The following ATG9B variants were observed in gnomAD, a reference collection of about 807,000 sequenced individuals.
ATG9B encodes autophagy related 9B.
In ATG9B, 92 loss-of-function variants were observed where a neutral mutation model predicts 92.9. The observed-to-expected ratio is 0.99, with a 90% CI of 0.84 to 1.18. The LOEUF (loss-of-function observed/expected upper bound fraction) is 1.18. Among genes scored for constraint, ATG9B ranks in the 50% most tolerant of loss-of-function variants. ATG9B has a pLI of 0.00. For missense variants in ATG9B, 1,344 were observed against 1,235.0 expected, an observed-to-expected ratio of 1.09 and a Z score of -1.32; for synonymous variants, 599 against 551.4, an observed-to-expected ratio of 1.09 and a Z score of -1.21.
intron 8 of ATG9B, 93 bp downstream of exon 8, chr7:151,017,778 C>T (rs981816870): frequency 7.2e-7 from 1 of 1,396,902 alleles, no homozygotes; most frequent in African/African-American, 1.5e-5. Flanking sequence ...AGGTAGCAAG[C>T]AATGGAGCCA....
At position 151,018,117 on chromosome 7, in the gene ATG9B, C is replaced by T. The variant is rs1584924417; in HGVS notation, c.1873-67G>A. The T allele has an allele frequency of 5.4e-6, 8 of 1,494,580 alleles. No individual in the cohort carries two copies. The East Asian group carries it at 2.0e-4, about 37-fold the overall frequency. The allele number at this position is 1,494,580 out of a possible 1,614,324, so 92.6% of individuals were successfully genotyped here. On this transcript the variant is annotated intron_variant, in intron 7 of 13. Transcript: ENST00000639579. This position sits in a 1 kb window ranked among gnomAD's most constrained non-coding sequence, Gnocchi z 4.7. ...GCCCACGCGCGTTATCAGGACCAAG[C>T]AGTCCCCAGCGACCCTCGCCAGGGC... is the stretch of plus-strand genomic sequence containing the variant.
intron 4 of ATG9B, 146 bp downstream of exon 4, chr7:151,022,899 T>TA (rs1563264296): frequency 1.0e-6 from 1 of 984,160 alleles, no homozygotes. Flanking sequence ...AAGTACAACT[T>TA]AAAGTATATT....
chr7:151,013,466 G>C (rs1041449849), downstream of ATG9B: 3 of 1,485,272 alleles, frequency 2.0e-6, no homozygotes, highest in African/African-American at 4.2e-5. Flanking sequence ...ACCAACCACG[G>C]CCCTCCCGTG....
chr7:151,017,722 CG>C (rs1795559159), intron 8 of ATG9B, 148 bp downstream of exon 8: 3 of 986,328 alleles, frequency 3.0e-6, no homozygotes, highest in African/African-American at 1.6e-5. Flanking sequence ...ATCTGACAGA[CG>C]AGGGCACGAG....
Position 151,018,400 on chromosome 7 carries a change from A to G in ATG9B, c.1766T>C (p.Leu589Pro), listed in dbSNP as rs1795598854. The G allele has an allele frequency of 3.8e-6, 6 of 1,568,902 alleles. No individual in the cohort carries two copies. The highest frequency in any genetic ancestry group is 4.3e-6 in the Non-Finnish European group (5 of 1,158,548). Residue 589 changes from leucine (L) to proline (P), a missense_variant, in exon 7 of 14, where the codon CTG becomes CCG. Coordinates refer to ENST00000639579, the MANE Select transcript of ATG9B (RefSeq NM_001317056.2). This position sits in a 1 kb window ranked among gnomAD's most constrained non-coding sequence, Gnocchi z 4.7. ...CATGTGGGCCAGGGCTGTCTGCAGC[A>G]GGAGCTGCGGCGCACGACCCTGGCA... ...EQCQGRAPQL[L>P]LQTALAHMHY...
Position 151,023,998 on chromosome 7 carries a change from TA to T in ATG9B, c.425del (p.Val142GlufsTer4). The T allele has an allele frequency of 6.3e-7, 1 of 1,594,074 alleles. No homozygotes were observed. Among genetic ancestry groups the T allele is most frequent in the Admixed American group, 1.8e-5 (1 of 56,762 alleles). On this transcript the variant is annotated frameshift_variant, in exon 1 of 14. Transcript: ENST00000639579. LOFTEE classifies it high-confidence loss of function. ...AATCCTGTTCAGGGATCAAAGGGCC[TA>T]CCCGCAGCCCAGGAGAGTCCTGGGG... ...QCPQDSPGLR[V>X]GPLIPEQDYE...
intron 5 of ATG9B, 122 bp from the exon 6 acceptor site, chr7:151,019,496 C>G (rs1344229296): frequency 7.6e-7 from 1 of 1,311,076 alleles, no homozygotes; most frequent in African/African-American, 1.5e-5. Flanking sequence ...CACAAACTCG[C>G]CATGACCAAG....
Position 151,016,067 on chromosome 7 carries a change from T to C in ATG9B, c.2647+42A>G, listed in dbSNP as rs1156782269. The C allele has an allele frequency of 1.9e-6, 3 of 1,548,282 alleles. No homozygotes were observed. The Admixed American group carries it at 5.9e-5, about 30-fold the overall frequency. ...AGCTGGGCAGTTCCATGATGCCCAG[T>C]GTCCACCAGGCTCTGTCCCCTGCAG... On this transcript the variant is annotated intron_variant, in intron 12 of 13. Coordinates refer to ENST00000639579, the MANE Select transcript of ATG9B (RefSeq NM_001317056.2).
chr7:151,014,287 A>T, downstream of ATG9B: 1 of 1,051,452 alleles, frequency 9.5e-7, no homozygotes, highest in Non-Finnish European at 1.3e-6. Context: ...ATCTGTCCAG[A>T]GGCTGCAAGG....
At chr7:151,013,191 C>G, downstream of ATG9B, 1 of 1,589,524 alleles carries the variant, frequency 6.3e-7, no homozygotes. Flanking sequence ...TAGCACTGTG[C>G]CCCGGAGAAG....
At position 151,024,151 on chromosome 7, in the gene ATG9B, G is replaced by C; in HGVS notation, c.273C>G (p.Leu91=). ...TGASQSCHSA[L]PIPATPPTQA... ...GTGTTGGGGGGGTGGCTGGGATAGG[G>C]AGAGCACTGTGGCAAGACTGAGAAG... is the stretch of plus-strand genomic sequence containing the variant. The change falls in exon 1 of 14, where the codon CTC becomes CTG. Residue 91 remains leucine (L), a synonymous_variant. Transcript: ENST00000639579. 6.4e-7 allele frequency: 1 copy of C among 1,574,644 alleles called. No homozygotes were observed. The highest frequency in any genetic ancestry group is 1.3e-5 in the African/African-American group (1 of 74,264).
intron 5 of ATG9B, 88 bp downstream of exon 5, chr7:151,021,100 C>T: frequency 6.7e-7 from 1 of 1,492,554 alleles, no homozygotes; most frequent in Non-Finnish European, 9.2e-7. Flanking sequence ...TCCAGTTGGC[C>T]CTTCCACCTG....
chr7:151,013,052 G>T, downstream of ATG9B: 1 of 660,600 alleles, frequency 1.5e-6, no homozygotes. Flanking sequence ...CTGTAAATCA[G>T]GGCTGTGCAG....
chr7:151,015,975 G>T lies in ATG9B; in HGVS notation c.2696C>A (p.Ala899Asp). Reference sequence around the variant, plus strand: ...AAACCCTCCGGGGAACAGATTCCGGGCCTTCTGGGTTCCCCACTGTTGTCT... The same window carrying T: ...AAACCCTCCGGGGAACAGATTCCGGTCCTTCTGGGTTCCCCACTGTTGTCT... ...SPRQQWGTQK[A>D]RNLFPGGFQV... Residue 899 changes from alanine (A) to aspartate (D), a missense_variant, in exon 13 of 14, where the codon GCC becomes GAC. Transcript: ENST00000639579. 1 of 1,551,642 alleles carries T rather than the reference G, an allele frequency of 6.4e-7. No homozygotes were observed. The highest frequency in any genetic ancestry group is 8.7e-7 in the Non-Finnish European group (1 of 1,146,972).
downstream of ATG9B, chr7:151,012,524 C>A: frequency 6.4e-7 from 1 of 1,574,096 alleles, no homozygotes; most frequent in Non-Finnish European, 8.7e-7. Flanking sequence ...AATCTAGGGA[C>A]AGAGGGGTGG....
intron 9 of ATG9B, 36 bp from the exon 10 acceptor site, chr7:151,016,857 G>A: frequency 6.3e-7 from 1 of 1,581,210 alleles, no homozygotes; most frequent in East Asian, 2.2e-5. Context: ...CAAAGAGGGA[G>A]TCAGAAGAGA....
chr7:151,015,915 C>T lies in ATG9B; in HGVS notation c.2756G>A (p.Arg919Gln), dbSNP rs950890773. The change falls in exon 13 of 14, where the codon CGG becomes CAG. Residue 919 changes from arginine to glutamine, a missense_variant. Transcript: ENST00000639579. The part of the protein sequence containing the change: ...VTTDTQKEPD[R>Q]ASCTD ...GTCGTCTCAGTCAGTGCAAGAGGCCCGGTCAGGCTCCTTCTGGGTGTCTGT... is the reference window on the plus strand; with the variant it reads ...GTCGTCTCAGTCAGTGCAAGAGGCCTGGTCAGGCTCCTTCTGGGTGTCTGT... 9.7e-6 allele frequency: 15 copies of T among 1,551,526 alleles called. No homozygotes were observed. Among genetic ancestry groups the T allele is most frequent in the African/African-American group, 6.8e-5 (5 of 73,042 alleles).
In ATG9B at chr7:151,016,454, G is replaced by A. The variant is rs570518975; in HGVS notation, c.2497C>T (p.Leu833Phe). 3.2e-5 allele frequency: 50 copies of A among 1,551,476 alleles called. No individual in the cohort carries two copies. Among genetic ancestry groups the A allele is most frequent in the Non-Finnish European group, 3.7e-5 (43 of 1,146,970 alleles). The change falls in exon 11 of 14, where the codon CTC becomes TTC. Residue 833 changes from leucine to phenylalanine, a missense_variant. By Grantham distance (22) the Leu-to-Phe change is conservative (BLOSUM62 0). Coordinates refer to ENST00000639579, the MANE Select transcript of ATG9B (RefSeq NM_001317056.2). ...ACCTGGTGCAGGTAGATGACATGGA[G>A]ACTCATCTCGGCAGAAGCAAGTTCT... ...LPELASAEMSLHVIYLHQLHQ... is the reference protein window; with the variant it reads ...LPELASAEMSFHVIYLHQLHQ...
intron 8 of ATG9B, among the ~76,000 whole-genome samples, chr7:151,017,497 T>C (rs532899087): frequency 6.6e-6 from 1 of 152,306 alleles, no homozygotes; most frequent in East Asian, 1.9e-4. Context: ...CTCAGTGCTT[T>C]GCCCAGGGTG....
Sources: gnomAD v4.1 joint callset for allele counts (sites outside exome capture counted in the v4.1 genomes callset) on GRCh38, gnomAD v4.1.1 for gene constraint, Gnocchi (gnomAD v3.1) non-coding constraint, MANE v1.5 for transcripts, NCBI Gene and HGNC (gene_info 2026-07-23, HGNC 2026-07-21) for gene names.